GALNT18: variants seen among roughly 807,000 people sequenced by gnomAD.
GALNT18 encodes the protein polypeptide N-acetylgalactosaminyltransferase 18.
GALNT18 carries 44 observed loss-of-function variants against 69.5 expected under a neutral mutation model. That is an observed-to-expected ratio of 0.63 (90% CI 0.50 to 0.81). The LOEUF (loss-of-function observed/expected upper bound fraction) is 0.81, where lower values mean the gene tolerates loss of function less well. Ranked by LOEUF, GALNT18 falls within the 40% of genes least tolerant of loss-of-function variation. The pLI, the probability that GALNT18 is intolerant of heterozygous loss-of-function variation, is 0.00. For synonymous variants in GALNT18, 364 were observed against 318.2 expected, an observed-to-expected ratio of 1.14 and a Z score of -1.53; for missense variants, 715 against 810.0, an observed-to-expected ratio of 0.88 and a Z score of 1.42.
At chr11:11,462,420 G>T (rs762700036) in intron 1 of GALNT18, among the ~76,000 whole-genome samples, 5 of 151,838 alleles carry the variant, frequency 3.3e-5, no homozygotes, top group Non-Finnish European at 7.4e-5. Flanking sequence ...GCGGTTACAG[G>T]CTCCTGCCAC....
chr11:11,329,197 A>T (rs546193973), intron 8 of GALNT18, among the ~76,000 whole-genome samples: 2 of 152,366 alleles, frequency 1.3e-5, no homozygotes, highest in South Asian at 2.1e-4. Context: ...AGTGCTTAGC[A>T]TAAGGCCTGG....
Position 11,523,239 on chromosome 11 carries a change from A to T in GALNT18, c.236-74303T>A, listed in dbSNP as rs945772608. The stretch of plus-strand genomic sequence containing the variant: ...TTTCTTTCAAAGAACTGCAATCAGA[A>T]TAGGTCCTGCATGCCCTCCAAGTAC... On this transcript the variant is annotated intron_variant, in intron 1 of 10. Coordinates refer to ENST00000227756, the MANE Select transcript of GALNT18 (RefSeq NM_198516.3). This position sits in a 1 kb window ranked among gnomAD's most constrained non-coding sequence, Gnocchi z 4.3. Among the ~76,000 whole-genome samples, 4 of 152,180 alleles carry T rather than the reference A, an allele frequency of 2.6e-5. No homozygotes were observed. The highest frequency in any genetic ancestry group is 3.9e-4 in the East Asian group (2 of 5,180).
chr11:11,553,830 C>T (rs777674606), intron 1 of GALNT18, among the ~76,000 whole-genome samples: 13 of 152,136 alleles, frequency 8.5e-5, no homozygotes, highest in Non-Finnish European at 1.3e-4. Flanking sequence ...CTGCCATGTC[C>T]CTGATTGCAA....
rs61737592 is a variant in GALNT18 at position 11,621,619 on chromosome 11, C to G, written c.-26G>C. On this transcript the variant is annotated 5_prime_UTR_variant, in exon 1 of 11. Transcript: ENST00000227756. This position sits in a 1 kb window ranked among gnomAD's most constrained non-coding sequence, Gnocchi z 9.3. ...TCTGGGCTCCTTCCTCCATATAGAG[C>G]TCCCGGGGGCCCTTCCTTGTCGTGC... The G allele has an allele frequency of 3.7e-3, 5,555 of 1,520,944 alleles. 176 individuals are homozygous for G. In the African/African-American group the frequency reaches 0.069, roughly 19 times the overall value. The allele number at this position is 1,520,944 out of a possible 1,614,324, so 94.2% of individuals were successfully genotyped here.
chr11:11,450,514 AG>A (rs1363466728), intron 1 of GALNT18, among the ~76,000 whole-genome samples: 2 of 152,238 alleles, frequency 1.3e-5, no homozygotes, highest in Non-Finnish European at 2.9e-5. Flanking sequence ...CAAGAGTAGA[AG>A]GGGACTTAGC....
At position 11,598,952 on chromosome 11, in the gene GALNT18, T is replaced by C. The variant is rs1306221756; in HGVS notation, c.235+22407A>G. 6.6e-6 allele frequency among the ~76,000 whole-genome samples: 1 copy of C among 152,176 alleles called. No homozygotes were observed. The highest frequency in any genetic ancestry group is 6.5e-5 in the Admixed American group (1 of 15,280). On this transcript the variant is annotated intron_variant, in intron 1 of 10. Coordinates refer to ENST00000227756, the MANE Select transcript of GALNT18 (RefSeq NM_198516.3). The surrounding 1 kb of genome is among the most constrained non-coding windows in gnomAD (Gnocchi z 4.8). ...CACGTGGCCAGAGAATGTACTTTGT[T>C]CATTTTAAAGGATGAGTTCAATCCT...
rs1859481496 is a variant in GALNT18, at chr11:11,595,665, T to C, written c.235+25694A>G. On this transcript the variant is annotated intron_variant, in intron 1 of 10. Transcript: ENST00000227756. The surrounding 1 kb of genome is among the most constrained non-coding windows in gnomAD (Gnocchi z 5.2). ...GTCCAGCATCCTTTCATGTGGTTAC[T>C]GAACATTTGTATATCTTCTTCAGAG... Among the ~76,000 whole-genome samples the C allele has an allele frequency of 6.6e-6, 1 of 152,250 alleles. No homozygotes were observed. Among genetic ancestry groups the C allele is most frequent in the Non-Finnish European group, 1.5e-5 (1 of 68,044 alleles).
chr11:11,532,927 T>G (rs1177211121), intron 1 of GALNT18, among the ~76,000 whole-genome samples: 1 of 152,228 alleles, frequency 6.6e-6, no homozygotes. Context: ...ATTAACTAGA[T>G]GGCAATAAGG....
At chr11:11,395,527 G>C (rs1388003207) in intron 3 of GALNT18, among the ~76,000 whole-genome samples, 1 of 152,238 alleles carries the variant, frequency 6.6e-6, no homozygotes, top group Non-Finnish European at 1.5e-5. Context: ...GGATGGTGAG[G>C]AGGCAACATC....
At position 11,383,613 on chromosome 11, in the gene GALNT18, G is replaced by A. The variant is rs1481816556; in HGVS notation, c.596-4349C>T. 6.6e-6 allele frequency among the ~76,000 whole-genome samples: 1 copy of A among 151,908 alleles called. No homozygotes were observed. The highest frequency in any genetic ancestry group is 2.4e-5 in the African/African-American group (1 of 41,440). Reference sequence around the variant, plus strand: ...TTGGGGACATAGAAATGAAGTGAGAGTTCACCCATTCATTCATTCATTCAT... The same window carrying A: ...TTGGGGACATAGAAATGAAGTGAGAATTCACCCATTCATTCATTCATTCAT... On this transcript the variant is annotated intron_variant, in intron 3 of 10. Transcript: ENST00000227756. The surrounding 1 kb of genome is among the most constrained non-coding windows in gnomAD (Gnocchi z 5.2).
At chr11:11,495,978 T>C (rs150435180) in intron 1 of GALNT18, among the ~76,000 whole-genome samples, 107 of 152,332 alleles carry the variant, frequency 7.0e-4, no homozygotes, top group African/African-American at 2.5e-3. Flanking sequence ...CATTCTTTCA[T>C]TATAACTTCA....
In GALNT18 at chr11:11,372,730, CT is replaced by C; in HGVS notation, c.978-102del. ...CAGGAGGGTCTGGTTCTCTTCCTTCCTTTGCTGCCAGAGCCAGTGTGAGCCT... is the reference window on the plus strand; with the variant it reads ...CAGGAGGGTCTGGTTCTCTTCCTTCCTTGCTGCCAGAGCCAGTGTGAGCCT... On this transcript the variant is annotated intron_variant, in intron 5 of 10. Transcript: ENST00000227756. This position sits in a 1 kb window ranked among gnomAD's most constrained non-coding sequence, Gnocchi z 4.9. 2 of 915,264 alleles carry C rather than the reference CT, an allele frequency of 2.2e-6. No individual in the cohort carries two copies. The highest frequency in any genetic ancestry group is 3.4e-6 in the Non-Finnish European group (2 of 581,350). 56.7% of individuals were successfully genotyped at this position (915,264 alleles called of 1,614,324 possible). A position where few individuals can be genotyped will look rare whatever the true frequency, so the allele number is the denominator to read the frequency against.
At chr11:11,489,272 G>A (rs1337674540) in intron 1 of GALNT18, among the ~76,000 whole-genome samples, 2 of 152,370 alleles carry the variant, frequency 1.3e-5, no homozygotes, top group South Asian at 2.1e-4. Flanking sequence ...ATAGCTTGCT[G>A]TTAGCAAACT....
chr11:11,280,608 G>T (rs1450370159), intron 10 of GALNT18, among the ~76,000 whole-genome samples: 1 of 152,162 alleles, frequency 6.6e-6, no homozygotes, highest in East Asian at 1.9e-4. Flanking sequence ...GCATTTCCAG[G>T]TTTAACTTTC....
chr11:11,537,827 G>A lies in GALNT18; in HGVS notation c.235+83532C>T, dbSNP rs184444041. Among the ~76,000 whole-genome samples, 198 of 152,272 alleles carry A rather than the reference G, an allele frequency of 1.3e-3. 1 individual carries two copies. Among genetic ancestry groups the A allele is most frequent in the African/African-American group, 4.6e-3 (192 of 41,560 alleles). On this transcript the variant is annotated intron_variant, in intron 1 of 10. Transcript: ENST00000227756. ...GCTTCTCAGATATTTGGATTACAAC[G>A]AAGTTTGGAATTCTCTGCCCTAAAA...
In GALNT18 at chr11:11,620,972, T is replaced by C. The variant is rs1860178680; in HGVS notation, c.235+387A>G. On this transcript the variant is annotated intron_variant, in intron 1 of 10. Coordinates refer to ENST00000227756, the MANE Select transcript of GALNT18 (RefSeq NM_198516.3). This position sits in a 1 kb window ranked among gnomAD's most constrained non-coding sequence, Gnocchi z 6.9. ...CCAAAAAAGCTCGTTTGCCCGCGCG[T>C]TCCCTCTTGTACACACACAGACATT... 6.6e-6 allele frequency among the ~76,000 whole-genome samples: 1 copy of C among 151,274 alleles called. No homozygotes were observed. Among genetic ancestry groups the C allele is most frequent in the Non-Finnish European group, 1.5e-5 (1 of 67,878 alleles).
At chr11:11,361,459 T>C (rs554988024) in intron 6 of GALNT18, among the ~76,000 whole-genome samples, 1 of 152,232 alleles carries the variant, frequency 6.6e-6, no homozygotes, top group Non-Finnish European at 1.5e-5. Context: ...GGACAGTATC[T>C]CACATATAAT....
chr11:11,385,203 A>C (rs1192304641), intron 3 of GALNT18, among the ~76,000 whole-genome samples: 1 of 151,924 alleles, frequency 6.6e-6, no homozygotes, highest in African/African-American at 2.4e-5. Context: ...CATTCTCCCC[A>C]CCACCCCAGG....
At chr11:11,484,844 G>A (rs1321535996) in intron 1 of GALNT18, among the ~76,000 whole-genome samples, 1 of 152,162 alleles carries the variant, frequency 6.6e-6, no homozygotes, top group East Asian at 1.9e-4. Flanking sequence ...AAGGAGTGGA[G>A]CCCACAAATC....
Sources: gnomAD v4.1 joint callset for allele counts (sites outside exome capture counted in the v4.1 genomes callset) on GRCh38, gnomAD v4.1.1 for gene constraint, Gnocchi (gnomAD v3.1) non-coding constraint, MANE v1.5 for transcripts, NCBI Gene and HGNC (gene_info 2026-07-23, HGNC 2026-07-21) for gene names.